BRIP1: variants seen among roughly 807,000 people sequenced by gnomAD.
BRIP1 encodes BRCA1 interacting DNA helicase 1.
In BRIP1, 88 loss-of-function variants were observed where a neutral mutation model predicts 119.7. The observed-to-expected ratio is 0.74, with a 90% CI of 0.62 to 0.88. The LOEUF (loss-of-function observed/expected upper bound fraction) is 0.88, where lower values mean the gene tolerates loss of function less well. Ranked by LOEUF, BRIP1 falls within the 40% of genes least tolerant of loss-of-function variation. The probability of loss-of-function intolerance (pLI) is 0.00; values close to 1 mark genes in which losing one functional copy is unlikely to be tolerated. For missense variants in BRIP1, 1,259 were observed against 1,455.4 expected, an observed-to-expected ratio of 0.87 and a Z score of 2.20; for synonymous variants, 443 against 496.5, an observed-to-expected ratio of 0.89 and a Z score of 1.43.
In BRIP1 at chr17:61,834,146, C is replaced by T. The variant is rs758794066; in HGVS notation, c.627+12955G>A. ...AAAAAGATTACGACAAAAAAGTATC[C>T]ATCAAAATAGACCTGCTAAATTTTA... On this transcript the variant is annotated intron_variant, in intron 6 of 19. Transcript: ENST00000259008. This position sits in a 1 kb window ranked among gnomAD's most constrained non-coding sequence, Gnocchi z 4.4. Among the ~76,000 whole-genome samples, 3 of 152,100 alleles carry T rather than the reference C, an allele frequency of 2.0e-5. No homozygotes were observed. The highest frequency in any genetic ancestry group is 4.4e-5 in the Non-Finnish European group (3 of 68,034).
chr17:61,855,751 A>T (rs1460162450), intron 4 of BRIP1, among the ~76,000 whole-genome samples: 1 of 152,162 alleles, frequency 6.6e-6, no homozygotes, highest in Non-Finnish European at 1.5e-5. Flanking sequence ...TCTAGCACCT[A>T]CCATATGCCA....
rs1326461523 is a variant in BRIP1 at position 61,804,348 on chromosome 17, A to C, written c.919-2874T>G. ...TAGTTTGCTATCCTTAACAAAAAAC[A>C]ACCATACATAAAATATATAAATTAT... On this transcript the variant is annotated intron_variant, in intron 7 of 19. Transcript: ENST00000259008. The surrounding 1 kb of genome is among the most constrained non-coding windows in gnomAD (Gnocchi z 4.5). Among the ~76,000 whole-genome samples, 4 of 152,148 alleles carry C rather than the reference A, an allele frequency of 2.6e-5. No homozygotes were observed. The highest frequency in any genetic ancestry group is 4.4e-5 in the Non-Finnish European group (3 of 68,024).
chr17:61,713,241 G>A lies in BRIP1; in HGVS notation c.2492+2710C>T, dbSNP rs1044852216. On this transcript the variant is annotated intron_variant, in intron 17 of 19. Transcript: ENST00000259008. The surrounding 1 kb of genome is among the most constrained non-coding windows in gnomAD (Gnocchi z 4.9). ...ATAATACTTGATAATGATAATAACT[G>A]TGTTACTGGTTTGTGTATTTACTAT... Among the ~76,000 whole-genome samples the A allele has an allele frequency of 2.0e-5, 3 of 152,072 alleles. No individual in the cohort carries two copies. The highest frequency in any genetic ancestry group is 2.4e-5 in the African/African-American group (1 of 41,402).
rs1387771180 is a variant in BRIP1, at chr17:61,831,477, A to T, written c.627+15624T>A. ...TAACTGGAAGGAAATTATAAGTGGAATCATACAATATCTGTCCTTTTATGA... is the reference window on the plus strand; with the variant it reads ...TAACTGGAAGGAAATTATAAGTGGATTCATACAATATCTGTCCTTTTATGA... On this transcript the variant is annotated intron_variant, in intron 6 of 19. Coordinates refer to ENST00000259008, the MANE Select transcript of BRIP1 (RefSeq NM_032043.3). The surrounding 1 kb of genome is among the most constrained non-coding windows in gnomAD (Gnocchi z 4.1). Among the ~76,000 whole-genome samples, 3 of 152,262 alleles carry T rather than the reference A, an allele frequency of 2.0e-5. No homozygotes were observed. The East Asian group carries it at 5.8e-4, about 29-fold the overall frequency.
At chr17:61,779,934 CT>C (rs1408209018) in intron 13 of BRIP1, among the ~76,000 whole-genome samples, 2 of 152,100 alleles carry the variant, frequency 1.3e-5, no homozygotes, top group Non-Finnish European at 2.9e-5. Context: ...GAGCCAGACT[CT>C]GTCTCAAAAA....
intron 10 of BRIP1, among the ~76,000 whole-genome samples, chr17:61,787,970 TAAAC>T (rs2077759201): frequency 1.3e-5 from 2 of 151,884 alleles, no homozygotes; most frequent in Admixed American, 6.6e-5. Flanking sequence ...TTGCCTGTGA[TAAAC>T]AACGCACTGG....
At position 61,823,757 on chromosome 17, in the gene BRIP1, A is replaced by AACACACAC. The variant is rs144749656; in HGVS notation, c.628-15008_628-15001dup. On this transcript the variant is annotated intron_variant, in intron 6 of 19. Coordinates refer to ENST00000259008, the MANE Select transcript of BRIP1 (RefSeq NM_032043.3). The surrounding 1 kb of genome is among the most constrained non-coding windows in gnomAD (Gnocchi z 4.8). ...GCTCAATGACCCCAAGCACACAATA[A>AACACACAC]ACACACACACACACACACACACACA... Among the ~76,000 whole-genome samples, 269 of 131,748 alleles carry AACACACAC rather than the reference A, an allele frequency of 2.0e-3. 1 individual carries two copies. Among genetic ancestry groups the AACACACAC allele is most frequent in the East Asian group, 5.9e-3 (29 of 4,906 alleles). The allele number at this position is 131,748 out of a possible 152,430, so 86.4% of individuals were successfully genotyped here.
At chr17:61,765,354 ATGTG>A (rs146643187) in intron 14 of BRIP1, among the ~76,000 whole-genome samples, 2,509 of 41,668 alleles carry the variant, frequency 0.06, 223 homozygotes, top group African/African-American at 0.15. Context: ...ATACATATGT[ATGTG>A]TGTGTGTGTG....
chr17:61,690,018 G>T lies in BRIP1; in HGVS notation c.2575+3412C>A, dbSNP rs2061424854. ...AACATCCTGTCTCCAAAAAGAGAAAGATTTCTCAGGCGACATCTTGCATGC... is the reference window on the plus strand; with the variant it reads ...AACATCCTGTCTCCAAAAAGAGAAATATTTCTCAGGCGACATCTTGCATGC... On this transcript the variant is annotated intron_variant, in intron 18 of 19. Coordinates refer to ENST00000259008, the MANE Select transcript of BRIP1 (RefSeq NM_032043.3). The surrounding 1 kb of genome is among the most constrained non-coding windows in gnomAD (Gnocchi z 5.6). Among the ~76,000 whole-genome samples the T allele has an allele frequency of 6.6e-6, 1 of 152,102 alleles. No individual in the cohort carries two copies. Among genetic ancestry groups the T allele is most frequent in the Admixed American group, 6.5e-5 (1 of 15,272 alleles).
intron 10 of BRIP1, 112 bp from the exon 11 acceptor site, chr17:61,784,536 C>T (rs925662699): frequency 7.9e-5 from 78 of 984,600 alleles, no homozygotes; most frequent in Non-Finnish European, 1.2e-4. Flanking sequence ...TTTAGGTGAA[C>T]AGAATTGCTA....
rs2077955179 is a variant in BRIP1, at chr17:61,799,341, T to C, written c.1141-42A>G. On this transcript the variant is annotated intron_variant, in intron 8 of 19. Coordinates refer to ENST00000259008, the MANE Select transcript of BRIP1 (RefSeq NM_032043.3). This position sits in a 1 kb window ranked among gnomAD's most constrained non-coding sequence, Gnocchi z 5.1. ...TTTTCTTGTAAAACATTTGGCAAAA[T>C]AGATTTAACAACAGCAGGCAAGATA... The C allele has an allele frequency of 1.3e-6, 2 of 1,487,076 alleles. No individual in the cohort carries two copies. Among genetic ancestry groups the C allele is most frequent in the Non-Finnish European group, 1.9e-6 (2 of 1,069,924 alleles). The allele number at this position is 1,487,076 out of a possible 1,614,324, so 92.1% of individuals were successfully genotyped here.
At position 61,784,388 on chromosome 17, in the gene BRIP1, T is replaced by G; in HGVS notation, c.1510A>C (p.Ile504Leu). The G allele has an allele frequency of 6.2e-7, 1 of 1,613,376 alleles. No individual in the cohort carries two copies. The highest frequency in any genetic ancestry group is 8.5e-7 in the Non-Finnish European group (1 of 1,179,504). Reference protein sequence around the residue: ...FSAVLQKEEKISPIYGKEEAR... With the variant: ...FSAVLQKEEKLSPIYGKEEAR... ...TCCTCTTTACCATAAATTGGTGAGA[T>G]TTTTTCCTCTTTTTGAAGAACAGCA... Residue 504 changes from isoleucine (I) to leucine (L), a missense_variant, in exon 11 of 20, where the codon ATC (isoleucine) becomes CTC (leucine). This residue lies in a region of BRIP1 where 753 missense variants were observed against 891.8 expected (regional missense o/e 0.84). Transcript: ENST00000259008.
intron 10 of BRIP1, among the ~76,000 whole-genome samples, chr17:61,790,521 G>T (rs1161202577): frequency 6.6e-6 from 1 of 152,060 alleles, no homozygotes; most frequent in Non-Finnish European, 1.5e-5. Context: ...ACTCCAGTCT[G>T]GGCAACAAGG....
chr17:61,858,574 C>T (rs55991589), intron 3 of BRIP1, among the ~76,000 whole-genome samples: 21,133 of 152,040 alleles, frequency 0.14, 1,621 homozygotes, highest in Middle Eastern at 0.3. Flanking sequence ...GGTTTCTCCA[C>T]GTTGGTCTGG....
In BRIP1 at chr17:61,758,331, T is replaced by C. The variant is rs1027540092; in HGVS notation, c.2098-13740A>G. Among the ~76,000 whole-genome samples the C allele has an allele frequency of 4.6e-5, 7 of 152,170 alleles. No individual in the cohort carries two copies. The highest frequency in any genetic ancestry group is 4.6e-4 in the Admixed American group (7 of 15,272). Reference sequence around the variant, plus strand: ...AACTCGTTTTCTATACTTCTGTAAATGGGCTAATAATTAAACTATAATGAA... The same window carrying C: ...AACTCGTTTTCTATACTTCTGTAAACGGGCTAATAATTAAACTATAATGAA... On this transcript the variant is annotated intron_variant, in intron 14 of 19. Coordinates refer to ENST00000259008, the MANE Select transcript of BRIP1 (RefSeq NM_032043.3). The surrounding 1 kb of genome is among the most constrained non-coding windows in gnomAD (Gnocchi z 5.3).
rs2145091391 is a variant in BRIP1 at position 61,780,870 on chromosome 17, C to G, written c.1764G>C (p.Val588=). The G allele has an allele frequency of 6.2e-7, 1 of 1,614,174 alleles. No individual in the cohort carries two copies. Among genetic ancestry groups the G allele is most frequent in the Non-Finnish European group, 8.5e-7 (1 of 1,180,032 alleles). The change falls in exon 12 of 20, where the codon GTG becomes GTC. Residue 588 remains valine (V), a synonymous_variant. Coordinates refer to ENST00000259008, the MANE Select transcript of BRIP1 (RefSeq NM_032043.3). The surrounding 1 kb of genome is among the most constrained non-coding windows in gnomAD (Gnocchi z 5.4). ...CTGGATTTAAGCACCAAAAGTTTAG[C>G]ACATGAACTGCAGTTTTCTGTCGTG... The part of the protein sequence containing the change: ...KRSRQKTAVH[V]LNFWCLNPAV...
intron 16 of BRIP1, 77 bp from the exon 17 acceptor site, chr17:61,716,140 G>A: frequency 1.1e-6 from 1 of 880,342 alleles, no homozygotes; most frequent in African/African-American, 1.7e-5. Context: ...ACTTCTAACA[G>A]TTTGAATATA....
Position 61,751,974 on chromosome 17 carries a change from G to A in BRIP1, c.2098-7383C>T, listed in dbSNP as rs1209105778. ...AGTAGAGACGGGGTTTCACCATATT[G>A]GTCAGGCTGGTCTCGAACTCCTGAC... On this transcript the variant is annotated intron_variant, in intron 14 of 19. Coordinates refer to ENST00000259008, the MANE Select transcript of BRIP1 (RefSeq NM_032043.3). This position sits in a 1 kb window ranked among gnomAD's most constrained non-coding sequence, Gnocchi z 6.7. Among the ~76,000 whole-genome samples the A allele has an allele frequency of 6.6e-6, 1 of 151,944 alleles. No individual in the cohort carries two copies. The highest frequency in any genetic ancestry group is 1.5e-5 in the Non-Finnish European group (1 of 67,980).
chr17:61,745,443 A>G lies in BRIP1; in HGVS notation c.2098-852T>C, dbSNP rs2077046335. Among the ~76,000 whole-genome samples the G allele has an allele frequency of 6.6e-6, 1 of 152,168 alleles. No individual in the cohort carries two copies. Among genetic ancestry groups the G allele is most frequent in the Non-Finnish European group, 1.5e-5 (1 of 68,018 alleles). ...GAGTACAGTGGCAAGATCATAGCTC[A>G]GTGCAGCCTCGAACTACTAGGCTCA... On this transcript the variant is annotated intron_variant, in intron 14 of 19. Transcript: ENST00000259008. This position sits in a 1 kb window ranked among gnomAD's most constrained non-coding sequence, Gnocchi z 4.4.
Sources: allele counts gnomAD v4.1 joint callset (sites outside exome capture counted in the v4.1 genomes callset), GRCh38; gene constraint gnomAD v4.1.1; regional missense constraint gnomAD v4.1.1; non-coding constraint Gnocchi (gnomAD v3.1); transcripts MANE v1.5; gene names NCBI Gene and HGNC (gene_info 2026-07-23, HGNC 2026-07-21).